Variants in ADAMTS3 observed in about 807,000 individuals in gnomAD.
ADAMTS3 encodes the protein A disintegrin and metalloproteinase with thrombospondin motifs 3.
Under a neutral mutation model 129.0 loss-of-function variants are expected in ADAMTS3, and 73 were observed. That is an observed-to-expected ratio of 0.57 (90% CI 0.47 to 0.69). The LOEUF (loss-of-function observed/expected upper bound fraction) is 0.69, where lower values mean the gene tolerates loss of function less well. Among genes scored for constraint, ADAMTS3 ranks in the 30% least tolerant of loss-of-function variants. The pLI is 0.00. For missense variants in ADAMTS3, 1,457 were observed against 1,514.5 expected (o/e 0.96, Z 0.63); for synonymous variants, 477 against 510.8 (o/e 0.93, Z 0.89).
In ADAMTS3 at chr4:72,309,367, A is replaced by C. The variant is rs376555648; in HGVS notation, c.2179+30T>G. 3 of 1,607,066 alleles carry C rather than the reference A, an allele frequency of 1.9e-6. No homozygotes were observed. In the African/African-American group the frequency reaches 4.0e-5, roughly 22 times the overall value. ...CAAAAAGTACAAATCACAGAGAAGA[A>C]TACTAAATCCATGAGAGACCTCATC... On this transcript the variant is annotated intron_variant, in intron 15 of 21. Coordinates refer to ENST00000286657, the MANE Select transcript of ADAMTS3 (RefSeq NM_014243.3).
intron 4 of ADAMTS3, among the ~76,000 whole-genome samples, chr4:72,373,094 G>A (rs1721050932): frequency 6.6e-6 from 1 of 152,038 alleles, no homozygotes; most frequent in Middle Eastern, 3.4e-3. Context: ...AAACTAGAAA[G>A]GTAATTTTAA....
At chr4:72,293,048 T>G (rs781324953) in intron 19 of ADAMTS3, among the ~76,000 whole-genome samples, 48 of 152,054 alleles carry the variant, frequency 3.2e-4, no homozygotes, top group Admixed American at 2.6e-3. Context: ...ACAAAGAAAT[T>G]TGAGAGGAAG....
chr4:72,434,711 G>C (rs1012711675), intron 3 of ADAMTS3, among the ~76,000 whole-genome samples: 1 of 151,940 alleles, frequency 6.6e-6, no homozygotes, highest in South Asian at 2.1e-4. Context: ...TCTTAATTTA[G>C]TTGAGTTGAG....
intron 2 of ADAMTS3, 31 bp downstream of exon 2, chr4:72,567,343 G>A (rs200658274): frequency 1.3e-6 from 2 of 1,594,484 alleles, no homozygotes; most frequent in Admixed American, 3.4e-5. Context: ...TTCAACTTAA[G>A]ATAAGAGTGA....
chr4:72,330,612 C>A (rs1578588065), intron 5 of ADAMTS3: 1 of 152,358 alleles, frequency 6.6e-6, no homozygotes, highest in African/African-American at 2.4e-5. Flanking sequence ...CCAACCAGCT[C>A]ATGCAGACTG....
chr4:72,558,151 T>C (rs1721813192), intron 2 of ADAMTS3, among the ~76,000 whole-genome samples: 1 of 151,856 alleles, frequency 6.6e-6, no homozygotes, highest in Non-Finnish European at 1.5e-5. Flanking sequence ...TTAAAGGTTT[T>C]CACTGAAACT....
chr4:72,306,557 T>TA (rs1719094593), intron 15 of ADAMTS3, among the ~76,000 whole-genome samples: 1 of 152,054 alleles, frequency 6.6e-6, no homozygotes, highest in Admixed American at 6.6e-5. Context: ...TTTTCATATT[T>TA]AAAGCCTTCT....
At chr4:72,495,665 C>A (rs112741610) in intron 3 of ADAMTS3, among the ~76,000 whole-genome samples, 1 of 152,034 alleles carries the variant, frequency 6.6e-6, no homozygotes, top group East Asian at 1.9e-4. Flanking sequence ...CAAATCATGA[C>A]CTACCTCTTT....
At chr4:72,398,345 TCAGGAGGTCAAGAC>T (rs1378153543) in intron 4 of ADAMTS3, among the ~76,000 whole-genome samples, 1 of 152,108 alleles carries the variant, frequency 6.6e-6, no homozygotes, top group African/African-American at 2.4e-5. Flanking sequence ...TCACCTGAGG[TCAGGAGGTCAAGAC>T]CAGCCTGGCC....
At chr4:72,381,910 G>T (rs1220077955) in intron 4 of ADAMTS3, among the ~76,000 whole-genome samples, 1 of 152,156 alleles carries the variant, frequency 6.6e-6, no homozygotes, top group South Asian at 2.1e-4. Flanking sequence ...TTGGGAATGG[G>T]ATCAGGATCT....
rs771203852 is a variant in ADAMTS3 at position 72,311,226 on chromosome 4, A to G, written c.1922-45T>C. 10 of 1,531,904 alleles carry G rather than the reference A, an allele frequency of 6.5e-6. No individual in the cohort carries two copies. In the East Asian group the frequency reaches 2.3e-4, roughly 35 times the overall value. 94.9% of individuals were successfully genotyped at this position (1,531,904 alleles called of 1,614,324 possible). ...AAATTAACTATTTACATAAAATGGAATGTTTGAACAGCATAGTTTATTTTA... is the reference window on the plus strand; with the variant it reads ...AAATTAACTATTTACATAAAATGGAGTGTTTGAACAGCATAGTTTATTTTA... On this transcript the variant is annotated intron_variant, in intron 13 of 21. Coordinates refer to ENST00000286657, the MANE Select transcript of ADAMTS3 (RefSeq NM_014243.3).
intron 3 of ADAMTS3, among the ~76,000 whole-genome samples, chr4:72,529,314 G>T (rs1446726556): frequency 6.6e-6 from 1 of 151,974 alleles, no homozygotes; most frequent in Non-Finnish European, 1.5e-5. Flanking sequence ...GCATCATATG[G>T]GAACTGTTAG....
At chr4:72,313,606 T>C (rs1719304088) in intron 12 of ADAMTS3, 71 bp downstream of exon 12, 2 of 1,505,088 alleles carry the variant, frequency 1.3e-6, no homozygotes, top group East Asian at 2.4e-5. Flanking sequence ...TAAAACAGAA[T>C]ACTAATAACA....
chr4:72,435,830 T>C (rs1286863368), intron 3 of ADAMTS3, among the ~76,000 whole-genome samples: 1 of 152,016 alleles, frequency 6.6e-6, no homozygotes, highest in African/African-American at 2.4e-5. Context: ...GATCCTTTCC[T>C]TACACCTATA....
At position 72,290,329 on chromosome 4, in the gene ADAMTS3, G is replaced by C. The variant is rs1877666; in HGVS notation, c.2931+526C>G. 7.6e-4 allele frequency among the ~76,000 whole-genome samples: 116 copies of C among 152,312 alleles called. 3 individuals carry two copies. In the East Asian group the frequency reaches 0.022, roughly 29 times the overall value. On this transcript the variant is annotated intron_variant, in intron 20 of 21. Coordinates refer to ENST00000286657, the MANE Select transcript of ADAMTS3 (RefSeq NM_014243.3). ...ATATACAGGAGGAACTGCCAGGAAA[G>C]GTACCACCTGGAAGGTGGTCATTTG...
chr4:72,518,038 C>G (rs1283335619), intron 3 of ADAMTS3, among the ~76,000 whole-genome samples: 2 of 151,914 alleles, frequency 1.3e-5, no homozygotes, highest in Non-Finnish European at 2.9e-5. Context: ...TATGTTGCGT[C>G]TTTGTTCTCG....
At chr4:72,398,472 G>A (rs1002088871) in intron 4 of ADAMTS3, among the ~76,000 whole-genome samples, 1 of 152,158 alleles carries the variant, frequency 6.6e-6, no homozygotes, top group African/African-American at 2.4e-5. Context: ...CTACTTGGGA[G>A]GCTGAGACAG....
chr4:72,552,843 C>A (rs1207202492), intron 2 of ADAMTS3, among the ~76,000 whole-genome samples: 2 of 152,156 alleles, frequency 1.3e-5, no homozygotes, highest in African/African-American at 4.8e-5. Context: ...CCTCTGTCCC[C>A]CTTCTGTGTC....
intron 3 of ADAMTS3, among the ~76,000 whole-genome samples, chr4:72,543,899 AT>A (rs1721398061): frequency 6.6e-6 from 1 of 152,280 alleles, no homozygotes; most frequent in African/African-American, 2.4e-5. Context: ...TCACAAAAAA[AT>A]ATTGGAAGAA....
Sources: allele counts gnomAD v4.1 joint callset (sites outside exome capture counted in the v4.1 genomes callset), GRCh38; gene constraint gnomAD v4.1.1; transcripts MANE v1.5; gene names NCBI Gene and HGNC (gene_info 2026-07-23, HGNC 2026-07-21).